The following PGM2L1 variants were observed in gnomAD, a reference collection of about 807,000 sequenced individuals.
PGM2L1 encodes glucose 1,6-bisphosphate synthase.
A neutral mutation model predicts 73.4 loss-of-function variants in PGM2L1; 35 were observed. The observed-to-expected ratio is 0.48, with a 90% CI of 0.36 to 0.63. The LOEUF (loss-of-function observed/expected upper bound fraction) is 0.63, where lower values mean the gene tolerates loss of function less well. Among genes scored for constraint, PGM2L1 ranks in the 30% least tolerant of loss-of-function variants. PGM2L1 has a pLI of 0.00. For synonymous variants in PGM2L1, 225 were observed against 253.8 expected (o/e 0.89, Z 1.08); for missense variants, 570 against 742.0 (o/e 0.77, Z 2.69).
rs569337300 is a variant in PGM2L1 at position 74,366,131 on chromosome 11, A to G, written c.555+2361T>C. The stretch of plus-strand genomic sequence containing the variant: ...TCAAGGACAAGGAACCAAACACCAC[A>G]TGTTCTCATTCATAGGTGGGAATTG... On this transcript the variant is annotated intron_variant, in intron 5 of 13. Coordinates refer to ENST00000298198, the MANE Select transcript of PGM2L1 (RefSeq NM_173582.6). 1.3e-3 allele frequency among the ~76,000 whole-genome samples: 189 copies of G among 147,936 alleles called. 1 individual carries two copies. The highest frequency in any genetic ancestry group is 4.5e-3 in the African/African-American group (183 of 40,418).
At chr11:74,339,284 A>G (rs943480007) in intron 12 of PGM2L1, among the ~76,000 whole-genome samples, 9 of 152,192 alleles carry the variant, frequency 5.9e-5, no homozygotes, top group Admixed American at 6.5e-5. Flanking sequence ...AAAGAACTCT[A>G]TTTTTTATAA....
At chr11:74,351,254 G>T in intron 6 of PGM2L1, 129 bp downstream of exon 6, 2 of 854,130 alleles carry the variant, frequency 2.3e-6, no homozygotes, top group Non-Finnish European at 3.5e-6. Context: ...TCCACTCTTT[G>T]ACTCTTATGA....
chr11:74,334,135 GAGA>G lies in PGM2L1; in HGVS notation c.*2514_*2516del, dbSNP rs1366333765. 1.4e-4 allele frequency: 22 copies of G among 152,202 alleles called. No homozygotes were observed. Among genetic ancestry groups the G allele is most frequent in the African/African-American group, 4.6e-4 (19 of 41,436 alleles). 9.4% of individuals were successfully genotyped at this position (152,202 alleles called of 1,614,324 possible). On this transcript the variant is annotated 3_prime_UTR_variant, in exon 14 of 14. Coordinates refer to ENST00000298198, the MANE Select transcript of PGM2L1 (RefSeq NM_173582.6). ...CATTTGTAAAATTTTGTTAACTTGA[GAGA>G]AGAACACTTCAATAACTTTTCACCT... is the stretch of plus-strand genomic sequence containing the variant.
chr11:74,352,073 T>C (rs1015441758), intron 5 of PGM2L1, among the ~76,000 whole-genome samples: 20 of 152,000 alleles, frequency 1.3e-4, no homozygotes, highest in African/African-American at 4.8e-4. Context: ...ATATAGATAG[T>C]AATGACTCTA....
intron 1 of PGM2L1, among the ~76,000 whole-genome samples, chr11:74,382,712 T>G (rs1399291835): frequency 6.6e-6 from 1 of 152,104 alleles, no homozygotes; most frequent in African/African-American, 2.4e-5. Flanking sequence ...TTGCCTAGGC[T>G]GGGCTTGAAC....
At chr11:74,350,984 C>T (rs1176829242) in intron 6 of PGM2L1, among the ~76,000 whole-genome samples, 3 of 152,176 alleles carry the variant, frequency 2.0e-5, no homozygotes, top group African/African-American at 7.2e-5. Context: ...CCAACCCTTT[C>T]ATTCCTTCCA....
chr11:74,343,842 A>C (rs1862222288), intron 9 of PGM2L1, among the ~76,000 whole-genome samples: 1 of 137,698 alleles, frequency 7.3e-6, no homozygotes, highest in South Asian at 2.2e-4. Context: ...GCAGTGGCGC[A>C]ATTTCAGCTC....
intron 1 of PGM2L1, among the ~76,000 whole-genome samples, chr11:74,377,000 A>G (rs1224277794): frequency 1.3e-5 from 2 of 152,184 alleles, no homozygotes; most frequent in Admixed American, 6.5e-5. Flanking sequence ...CTATGCAGCC[A>G]TAATTATCAC....
chr11:74,380,115 TTTTG>T (rs1335858491), intron 1 of PGM2L1, among the ~76,000 whole-genome samples: 4 of 151,550 alleles, frequency 2.6e-5, no homozygotes, highest in Non-Finnish European at 4.4e-5. Flanking sequence ...AACATTTTTA[TTTTG>T]TTTATCTATT....
chr11:74,346,118 G>T (rs1862259288), intron 8 of PGM2L1, among the ~76,000 whole-genome samples: 1 of 151,544 alleles, frequency 6.6e-6, no homozygotes. Flanking sequence ...TACAAAATTA[G>T]CCAGGCATGG....
chr11:74,343,769 CTTTTTTTTTTTTTTT>C (rs56938172), intron 9 of PGM2L1, among the ~76,000 whole-genome samples: 8 of 79,116 alleles, frequency 1.0e-4, no homozygotes, highest in African/African-American at 4.1e-4. Flanking sequence ...TTTACATTAT[CTTTTTTTTTTTTTTT>C]TTTTTTTTTT....
chr11:74,346,306 C>CA (rs1017714058), intron 8 of PGM2L1, among the ~76,000 whole-genome samples: 26 of 86,144 alleles, frequency 3.0e-4, no homozygotes, highest in African/African-American at 1.1e-3. Flanking sequence ...AGCAAACAAA[C>CA]AAAAAAAAAG....
intron 5 of PGM2L1, among the ~76,000 whole-genome samples, chr11:74,362,425 G>C (rs541345328): frequency 1.3e-5 from 2 of 152,260 alleles, no homozygotes; most frequent in African/African-American, 4.8e-5. Flanking sequence ...ACCGGTACCA[G>C]CCACTGCAAA....
chr11:74,359,532 C>T (rs1331879466), intron 5 of PGM2L1, among the ~76,000 whole-genome samples: 1 of 150,186 alleles, frequency 6.7e-6, no homozygotes, highest in Non-Finnish European at 1.5e-5. Flanking sequence ...TATATATGTA[C>T]ATCTATATGT....
chr11:74,359,972 C>T (rs1862529577), intron 5 of PGM2L1, among the ~76,000 whole-genome samples: 1 of 152,166 alleles, frequency 6.6e-6, no homozygotes, highest in Non-Finnish European at 1.5e-5. Context: ...TACCTACGAA[C>T]TTACATTTAG....
intron 1 of PGM2L1, among the ~76,000 whole-genome samples, chr11:74,376,885 C>A (rs1862862072): frequency 6.6e-6 from 1 of 152,060 alleles, no homozygotes; most frequent in African/African-American, 2.4e-5. Flanking sequence ...TGACAACTGG[C>A]ATTTGAAATC....
chr11:74,373,753 T>C (rs1227863204), intron 2 of PGM2L1, among the ~76,000 whole-genome samples: 1 of 152,208 alleles, frequency 6.6e-6, no homozygotes, highest in Non-Finnish European at 1.5e-5. Flanking sequence ...TATGCCAAAA[T>C]GAGTAATTAT....
chr11:74,351,624 A>T, intron 5 of PGM2L1, 48 bp from the exon 6 acceptor site: 2 of 1,472,588 alleles, frequency 1.4e-6, no homozygotes, highest in Non-Finnish European at 1.8e-6. Flanking sequence ...TGCTTGCCAG[A>T]TCTTTTCTTG....
chr11:74,341,547 T>C (rs1323352191), intron 12 of PGM2L1, among the ~76,000 whole-genome samples: 5 of 151,710 alleles, frequency 3.3e-5, no homozygotes, highest in African/African-American at 1.2e-4. Flanking sequence ...CAAAAATTAG[T>C]CAGGCGTGGT....
Sources: allele counts gnomAD v4.1 joint callset (sites outside exome capture counted in the v4.1 genomes callset), GRCh38; gene constraint gnomAD v4.1.1; transcripts MANE v1.5; gene names NCBI Gene and HGNC (gene_info 2026-07-23, HGNC 2026-07-21).